Variants in HPSE2 observed in about 807,000 individuals in gnomAD.
HPSE2 encodes inactive heparanase-2.
A neutral mutation model predicts 60.5 loss-of-function variants in HPSE2; 38 were observed. The ratio of observed to expected loss-of-function variants is 0.63; its 90% confidence interval spans 0.48 to 0.82. HPSE2 has a LOEUF of 0.82. Ranked by LOEUF, HPSE2 falls within the 40% of genes least tolerant of loss-of-function variation. The pLI, the probability that HPSE2 is intolerant of heterozygous loss-of-function variation, is 0.00. For missense variants in HPSE2, 713 were observed against 740.4 expected (o/e 0.96, Z 0.43); for synonymous variants, 295 against 293.2 (o/e 1.01, Z -0.06).
chr10:98,757,492 T>C (rs1192331534), intron 3 of HPSE2, among the ~76,000 whole-genome samples: 1 of 152,148 alleles, frequency 6.6e-6, no homozygotes, highest in East Asian at 1.9e-4. Context: ...AGTTTCAGGA[T>C]ACAAAGTCAA....
rs1949275912 is a variant in HPSE2 at position 98,733,397 on chromosome 10, C to T, written c.784+10486G>A. On this transcript the variant is annotated intron_variant, in intron 4 of 11. Coordinates refer to ENST00000370552, the MANE Select transcript of HPSE2 (RefSeq NM_021828.5). ...TTGGCCTCTCAAAGTGCTGGGATTA[C>T]AGGCATTAGCCACCATGACTGGCCT... Among the ~76,000 whole-genome samples the T allele has an allele frequency of 2.6e-5, 4 of 152,190 alleles. No individual in the cohort carries two copies. The South Asian group carries it at 8.3e-4, about 32-fold the overall frequency.
At chr10:99,085,902 C>T (rs11189963) in intron 3 of HPSE2, among the ~76,000 whole-genome samples, 102,417 of 152,004 alleles carry the variant, frequency 0.67, 37,823 homozygotes, top group Non-Finnish European at 0.81. Flanking sequence ...CATCAAGCAC[C>T]CATCTAATTC....
At chr10:99,169,738 A>C (rs1016786746) in intron 2 of HPSE2, among the ~76,000 whole-genome samples, 8 of 152,034 alleles carry the variant, frequency 5.3e-5, no homozygotes, top group African/African-American at 1.9e-4. Context: ...ACCAGATACC[A>C]GTAGCATCCC....
chr10:98,925,100 G>GGTGA (rs897313654), intron 3 of HPSE2, among the ~76,000 whole-genome samples: 8 of 152,236 alleles, frequency 5.3e-5, no homozygotes, highest in African/African-American at 1.7e-4. Flanking sequence ...AGGGGATGGA[G>GGTGA]GTGAGGTGGT....
At chr10:98,652,195 C>T (rs916430499) in intron 6 of HPSE2, among the ~76,000 whole-genome samples, 4 of 152,248 alleles carry the variant, frequency 2.6e-5, no homozygotes, top group Admixed American at 2.0e-4. Context: ...AATATATTCT[C>T]ATCACATATT....
intron 6 of HPSE2, 71 bp downstream of exon 6, chr10:98,693,829 T>C (rs1948140836): frequency 6.8e-6 from 8 of 1,177,956 alleles, no homozygotes; most frequent in Non-Finnish European, 1.0e-5. Context: ...GTTATGAACT[T>C]AGTGACAACT....
chr10:98,557,472 T>C (rs1589417927), intron 9 of HPSE2, among the ~76,000 whole-genome samples: 1 of 152,132 alleles, frequency 6.6e-6, no homozygotes, highest in East Asian at 1.9e-4. Flanking sequence ...AATAAAACAA[T>C]TCCAGATGGA....
chr10:99,119,142 G>C (rs1844845550), intron 3 of HPSE2, among the ~76,000 whole-genome samples: 1 of 148,624 alleles, frequency 6.7e-6, no homozygotes, highest in African/African-American at 2.5e-5. Context: ...GAAATAGGAA[G>C]AGAGGAAGCC....
intron 3 of HPSE2, among the ~76,000 whole-genome samples, chr10:99,103,674 A>C (rs1844113200): frequency 6.6e-6 from 1 of 152,234 alleles, no homozygotes; most frequent in Non-Finnish European, 1.5e-5. Flanking sequence ...CCGCATTGCC[A>C]AGACAATCCT....
chr10:98,721,011 C>T (rs1948908904), intron 5 of HPSE2, among the ~76,000 whole-genome samples: 1 of 152,026 alleles, frequency 6.6e-6, no homozygotes, highest in African/African-American at 2.4e-5. Flanking sequence ...TTATGTGTTT[C>T]TAGTTATATT....
chr10:98,952,881 A>T (rs1297702699), intron 3 of HPSE2, among the ~76,000 whole-genome samples: 1 of 152,122 alleles, frequency 6.6e-6, no homozygotes, highest in Non-Finnish European at 1.5e-5. Context: ...TTGAACCTTA[A>T]TTACCTCCTA....
intron 5 of HPSE2, among the ~76,000 whole-genome samples, chr10:98,709,114 T>C (rs1013897975): frequency 1.3e-5 from 2 of 152,228 alleles, no homozygotes; most frequent in African/African-American, 4.8e-5. Context: ...CTAACATTGA[T>C]AGATTGTTCT....
At chr10:99,140,121 A>C (rs1845811682) in intron 3 of HPSE2, among the ~76,000 whole-genome samples, 1 of 152,202 alleles carries the variant, frequency 6.6e-6, no homozygotes, top group South Asian at 2.1e-4. Context: ...TGCTAACTGA[A>C]AAAACAGTCC....
rs202016057 is a variant in HPSE2, at chr10:98,641,814, C to T, written c.1098+33G>A. On this transcript the variant is annotated intron_variant, in intron 7 of 11. Coordinates refer to ENST00000370552, the MANE Select transcript of HPSE2 (RefSeq NM_021828.5). ...TTTTTCCTTGTCTTACCCCCAGAAT[C>T]GCTCCTTTTCTTCCCAGGATACTTT... 72 of 1,476,682 alleles carry T rather than the reference C, an allele frequency of 4.9e-5. No homozygotes were observed. In the Admixed American group the frequency reaches 7.9e-4, roughly 16 times the overall value. 91.5% of individuals were successfully genotyped at this position (1,476,682 alleles called of 1,614,324 possible).
rs1013219506 is a variant in HPSE2, at chr10:98,889,845, G to A, written c.611-145789C>T. Among the ~76,000 whole-genome samples the A allele has an allele frequency of 3.3e-5, 5 of 152,102 alleles. No individual in the cohort carries two copies. The South Asian group carries it at 1.0e-3, about 32-fold the overall frequency. ...ACAGAGTTTGGAACGGAGGATGGGG[G>A]GGATGCATAACCCTTTCTAAGGTTC... On this transcript the variant is annotated intron_variant, in intron 3 of 11. Coordinates refer to ENST00000370552, the MANE Select transcript of HPSE2 (RefSeq NM_021828.5).
intron 3 of HPSE2, among the ~76,000 whole-genome samples, chr10:98,764,366 T>G (rs1477743421): frequency 2.0e-5 from 3 of 151,888 alleles, no homozygotes; most frequent in African/African-American, 7.3e-5. Context: ...ATAAATAAAT[T>G]TGTTAAAAGC....
the HPSE2 span, among the ~76,000 whole-genome samples, chr10:99,272,870 T>G: frequency 2.6e-5 from 4 of 152,216 alleles, no homozygotes; most frequent in Non-Finnish European, 5.9e-5. Flanking sequence ...TGGAGATTCC[T>G]TAAAGAACTA....
Position 98,633,440 on chromosome 10 carries a change from C to G in HPSE2, c.1098+8407G>C, listed in dbSNP as rs72831957. Reference sequence around the variant, plus strand: ...TGTTACCCAGGTTGGCCTCGAACTCCTGGCTCAAATGATTCACCTGCTTTG... The same window carrying G: ...TGTTACCCAGGTTGGCCTCGAACTCGTGGCTCAAATGATTCACCTGCTTTG... On this transcript the variant is annotated intron_variant, in intron 7 of 11. Coordinates refer to ENST00000370552, the MANE Select transcript of HPSE2 (RefSeq NM_021828.5). Among the ~76,000 whole-genome samples the G allele has an allele frequency of 6.9e-3, 1,043 of 152,240 alleles. 8 individuals carry two copies. The highest frequency in any genetic ancestry group is 0.027 in the South Asian group (129 of 4,826).
At chr10:98,587,705 A>G (rs1014583536) in intron 9 of HPSE2, among the ~76,000 whole-genome samples, 4 of 152,144 alleles carry the variant, frequency 2.6e-5, no homozygotes, top group Admixed American at 1.3e-4. Context: ...CTGAATCCCT[A>G]TAAACACTTC....
Sources: allele counts gnomAD v4.1 joint callset (sites outside exome capture counted in the v4.1 genomes callset), GRCh38; gene constraint gnomAD v4.1.1; transcripts MANE v1.5; gene names NCBI Gene and HGNC (gene_info 2026-07-23, HGNC 2026-07-21).